CCAR1: variants seen among roughly 807,000 people sequenced by gnomAD.
CCAR1 encodes the protein cell division cycle and apoptosis regulator protein 1.
CCAR1 carries 78 observed loss-of-function variants against 163.8 expected under a neutral mutation model. The observed-to-expected ratio is 0.48, with a 90% CI of 0.40 to 0.57. The LOEUF is 0.57. Among genes scored for constraint, CCAR1 ranks in the 20% least tolerant of loss-of-function variants. The probability of loss-of-function intolerance (pLI) is 0.00; values close to 1 mark genes in which losing one functional copy is unlikely to be tolerated. For missense variants in CCAR1, 1,019 were observed against 1,365.2 expected, an observed-to-expected ratio of 0.75 and a Z score of 4.00; for synonymous variants, 443 against 460.7, an observed-to-expected ratio of 0.96 and a Z score of 0.49.
intron 16 of CCAR1, among the ~76,000 whole-genome samples, chr10:68,764,085 A>C (rs2056507477): frequency 6.6e-6 from 1 of 152,108 alleles, no homozygotes; most frequent in South Asian, 2.1e-4. Context: ...CAAATATTTA[A>C]ATCTATATTT....
Position 68,761,078 on chromosome 10 carries a change from C to A in CCAR1, c.1992C>A (p.Ala664=). 1 of 1,606,848 alleles carries A rather than the reference C, an allele frequency of 6.2e-7. No homozygotes were observed. Among genetic ancestry groups the A allele is most frequent in the Non-Finnish European group, 8.5e-7 (1 of 1,176,408 alleles). Residue 664 remains alanine, a synonymous_variant, in exon 16 of 25, where the codon GCC becomes GCA. Coordinates refer to ENST00000265872, the MANE Select transcript of CCAR1 (RefSeq NM_018237.4). ...AAGGATTAAAATCCCAGTTAATAGCCCGATTGACAAAACAGCTTAAAGTAG... is the reference window on the plus strand; with the variant it reads ...AAGGATTAAAATCCCAGTTAATAGCACGATTGACAAAACAGCTTAAAGTAG... ...SSKGLKSQLI[A]RLTKQLKVEE...
chr10:68,786,224 T>C lies in CCAR1; in HGVS notation c.2733+6T>C, dbSNP rs1157833322. The stretch of plus-strand genomic sequence containing the variant: ...AGAGGCCCTCTAAAGATAAGGTGTT[T>C]ATTGAATACTGTATTCTTTATAATA... On this transcript the variant is annotated splice_donor_region_variant and intron_variant, in intron 20 of 24. Transcript: ENST00000265872. 16 of 1,550,610 alleles carry C rather than the reference T, an allele frequency of 1.0e-5. No homozygotes were observed. In the East Asian group the frequency reaches 3.6e-4, roughly 35 times the overall value.
chr10:68,788,092 A>G (rs1293561882), intron 22 of CCAR1, 45 bp downstream of exon 22: 6 of 1,525,792 alleles, frequency 3.9e-6, no homozygotes, highest in Non-Finnish European at 5.3e-6. Flanking sequence ...ATATACTAGT[A>G]ATTAAAGAAG....
rs138501558 is a variant in CCAR1 at position 68,768,968 on chromosome 10, A to G, written c.2299-2238A>G. Among the ~76,000 whole-genome samples, 478 of 152,316 alleles carry G rather than the reference A, an allele frequency of 3.1e-3. 3 individuals are homozygous for G. The highest frequency in any genetic ancestry group is 0.011 in the African/African-American group (437 of 41,578). On this transcript the variant is annotated intron_variant, in intron 17 of 24. Coordinates refer to ENST00000265872, the MANE Select transcript of CCAR1 (RefSeq NM_018237.4). ...ATGACACATTTAAGGGCTGTGGTCA[A>G]CCATTTCAAGTTTTAACCCTTTTTT...
chr10:68,743,426 G>A (rs1272117436), intron 6 of CCAR1, among the ~76,000 whole-genome samples: 1 of 150,936 alleles, frequency 6.6e-6, no homozygotes, highest in Non-Finnish European at 1.5e-5. Context: ...GGCCTCCCAG[G>A]AAGTGCTGGG....
At chr10:68,790,887 C>T (rs938010211) in intron 24 of CCAR1, among the ~76,000 whole-genome samples, 7 of 148,918 alleles carry the variant, frequency 4.7e-5, no homozygotes, top group East Asian at 4.2e-4. Flanking sequence ...AAAATAGAGA[C>T]GGGGTTTCAC....
intron 16 of CCAR1, among the ~76,000 whole-genome samples, chr10:68,761,882 G>A (rs1006704515): frequency 2.0e-5 from 3 of 152,108 alleles, no homozygotes; most frequent in African/African-American, 4.8e-5. Context: ...GGTTACAGGC[G>A]TGAGCCACTG....
rs2056834892 is a variant in CCAR1, at chr10:68,789,890, A to G, written c.3368A>G (p.Asp1123Gly). ...KTIRNLSTVMDEIHTVLKKDN... is the reference protein window; with the variant it reads ...KTIRNLSTVMGEIHTVLKKDN... ...ATCAGAAACTTATCTACGGTAATGGATGAAATCCACACTGTTCTCAAGAAG... is the reference window on the plus strand; with the variant it reads ...ATCAGAAACTTATCTACGGTAATGGGTGAAATCCACACTGTTCTCAAGAAG... Residue 1123 changes from aspartate (D) to glycine (G), a missense_variant, in exon 24 of 25, where the codon GAT becomes GGT. Asp to Gly is a moderately conservative substitution (Grantham distance 94). Transcript: ENST00000265872. 1 of 1,593,526 alleles carries G rather than the reference A, an allele frequency of 6.3e-7. No individual in the cohort carries two copies. Among genetic ancestry groups the G allele is most frequent in the Admixed American group, 1.8e-5 (1 of 54,716 alleles).
chr10:68,729,030 T>G (rs895611216), intron 2 of CCAR1, among the ~76,000 whole-genome samples: 2 of 152,022 alleles, frequency 1.3e-5, no homozygotes, highest in African/African-American at 4.8e-5. Context: ...CTTTGTATAA[T>G]ATGATACCCA....
At chr10:68,789,674 G>A in intron 23 of CCAR1, 36 bp from the exon 24 acceptor site, 1 of 1,214,320 alleles carries the variant, frequency 8.2e-7, no homozygotes, top group Non-Finnish European at 1.2e-6. Flanking sequence ...GAAATTTTAG[G>A]AAGTAAAATG....
In CCAR1 at chr10:68,742,417, TC is replaced by T; in HGVS notation, c.367del (p.Gln123SerfsTer6). On this transcript the variant is annotated frameshift_variant, in exon 6 of 25. Transcript: ENST00000265872. LOFTEE classifies it high-confidence loss of function. ...CTACAAGCCTTAGCCTGTCTACTCCTCAGCCAACAGCACAAATAACTGTATC... is the reference window on the plus strand; with the variant it reads ...CTACAAGCCTTAGCCTGTCTACTCCTAGCCAACAGCACAAATAACTGTATC... ...LPTSLSLSTP[Q>X]PTAQITVSYP... The T allele has an allele frequency of 6.2e-7, 1 of 1,614,126 alleles. No individual in the cohort carries two copies. Among genetic ancestry groups the T allele is most frequent in the Non-Finnish European group, 8.5e-7 (1 of 1,179,988 alleles).
intron 6 of CCAR1, among the ~76,000 whole-genome samples, chr10:68,744,345 C>G (rs2133339242): frequency 6.6e-6 from 1 of 152,242 alleles, no homozygotes; most frequent in African/African-American, 2.4e-5. Context: ...TGTTTTTTAG[C>G]TAAGCGCAGT....
At chr10:68,782,766 T>A (rs528028108) in intron 19 of CCAR1, among the ~76,000 whole-genome samples, 1 of 152,274 alleles carries the variant, frequency 6.6e-6, no homozygotes, top group Non-Finnish European at 1.5e-5. Flanking sequence ...TTTACAGCAA[T>A]GCTTTACTGA....
At chr10:68,774,321 G>T (rs372025485) in intron 19 of CCAR1, among the ~76,000 whole-genome samples, 48 of 152,192 alleles carry the variant, frequency 3.2e-4, no homozygotes, top group African/African-American at 1.1e-3. Flanking sequence ...AGCTACATAC[G>T]TGTTCTAAAT....
At chr10:68,723,508 T>C (rs2055891705) in intron 2 of CCAR1, among the ~76,000 whole-genome samples, 1 of 152,046 alleles carries the variant, frequency 6.6e-6, no homozygotes, top group South Asian at 2.1e-4. Flanking sequence ...TTCATTACAA[T>C]ATACTGTATT....
At chr10:68,730,190 G>C (rs928972239) in intron 2 of CCAR1, among the ~76,000 whole-genome samples, 1 of 152,006 alleles carries the variant, frequency 6.6e-6, no homozygotes, top group African/African-American at 2.4e-5. Context: ...TAAGTGCTGG[G>C]ATTACAGGCG....
intron 19 of CCAR1, among the ~76,000 whole-genome samples, chr10:68,782,715 A>G (rs1374173210): frequency 6.6e-6 from 1 of 152,156 alleles, no homozygotes; most frequent in Non-Finnish European, 1.5e-5. Context: ...AACCTACCGT[A>G]CCTGTGCCCT....
chr10:68,767,405 T>A (rs946577664), intron 17 of CCAR1, among the ~76,000 whole-genome samples: 1 of 152,076 alleles, frequency 6.6e-6, no homozygotes, highest in Non-Finnish European at 1.5e-5. Context: ...GTAGCTGAGA[T>A]TACAGGCATC....
intron 16 of CCAR1, 50 bp from the exon 17 acceptor site, chr10:68,765,838 A>G: frequency 7.6e-7 from 1 of 1,315,544 alleles, no homozygotes; most frequent in Non-Finnish European, 1.1e-6. Context: ...GCACATGTAT[A>G]TACATCCTAC....
Sources: allele counts gnomAD v4.1 joint callset (sites outside exome capture counted in the v4.1 genomes callset), GRCh38; gene constraint gnomAD v4.1.1; transcripts MANE v1.5; gene names NCBI Gene and HGNC (gene_info 2026-07-23, HGNC 2026-07-21).